CNTN6: variants seen among roughly 807,000 people sequenced by gnomAD.
The protein encoded by CNTN6 is contactin-6.
CNTN6 carries 137 observed loss-of-function variants against 122.8 expected under a neutral mutation model. That is an observed-to-expected ratio of 1.12 (90% CI 0.97 to 1.29). CNTN6 has a LOEUF of 1.29. Among genes scored for constraint, CNTN6 ranks in the 50% most tolerant of loss-of-function variants. The probability of loss-of-function intolerance (pLI) is 0.00; values close to 1 mark genes in which losing one functional copy is unlikely to be tolerated. For missense variants in CNTN6, 1,634 were observed against 1,223.4 expected (o/e 1.34, Z -5.01); for synonymous variants, 570 against 426.0 (o/e 1.34, Z -4.16).
chr3:1,221,499 T>C (rs1358012189), intron 3 of CNTN6, among the ~76,000 whole-genome samples: 1 of 152,180 alleles, frequency 6.6e-6, no homozygotes, highest in African/African-American at 2.4e-5. Context: ...GAAAAATATG[T>C]TGAAGACAGC....
chr3:1,375,733 A>G (rs910891546), intron 16 of CNTN6, among the ~76,000 whole-genome samples: 2 of 152,074 alleles, frequency 1.3e-5, no homozygotes, highest in African/African-American at 4.8e-5. Context: ...TTAGGTTCAC[A>G]TAACTTCTTT....
intron 7 of CNTN6, among the ~76,000 whole-genome samples, chr3:1,313,457 A>T (rs1020506882): frequency 6.6e-6 from 1 of 152,064 alleles, no homozygotes; most frequent in Non-Finnish European, 1.5e-5. Context: ...TTTAGAATGT[A>T]CTCTCATGGA....
intron 12 of CNTN6, among the ~76,000 whole-genome samples, chr3:1,368,468 T>G (rs1708538144): frequency 6.6e-6 from 1 of 152,234 alleles, no homozygotes; most frequent in South Asian, 2.1e-4. Context: ...GTTACTACAG[T>G]CTATAAAACA....
chr3:1,158,446 T>A (rs2093026782), intron 2 of CNTN6, among the ~76,000 whole-genome samples: 1 of 152,224 alleles, frequency 6.6e-6, no homozygotes, highest in Non-Finnish European at 1.5e-5. Flanking sequence ...CCTTGTCAGA[T>A]GGGTAGTTTA....
intron 20 of CNTN6, among the ~76,000 whole-genome samples, chr3:1,388,185 C>G (rs112930761): frequency 0.087 from 12,512 of 143,284 alleles, 773 homozygotes; most frequent in African/African-American, 0.12. Flanking sequence ...GAAGAGAGCA[C>G]TGGTTCTCCC....
At chr3:1,327,120 A>G (rs1376271655) in intron 9 of CNTN6, among the ~76,000 whole-genome samples, 2 of 151,918 alleles carry the variant, frequency 1.3e-5, no homozygotes, top group Non-Finnish European at 2.9e-5. Flanking sequence ...CATGTCTAAC[A>G]TTATTGTTAA....
intron 1 of CNTN6, among the ~76,000 whole-genome samples, chr3:1,140,552 G>T (rs921786610): frequency 1.3e-5 from 2 of 151,986 alleles, no homozygotes; most frequent in African/African-American, 4.8e-5. Flanking sequence ...TCTTTCAATT[G>T]TGAAATTCAC....
Position 1,387,918 on chromosome 3 carries a change from C to T in CNTN6, c.2704+2121C>T, listed in dbSNP as rs1038181450. On this transcript the variant is annotated intron_variant, in intron 20 of 22. Coordinates refer to ENST00000446702, the MANE Select transcript of CNTN6 (RefSeq NM_001289080.2). ...CCCGGCTCGGAGGGTCCTACGCCCA[C>T]GGAATCTCGCTGATTGCTAGCACAG... Among the ~76,000 whole-genome samples the T allele has an allele frequency of 1.7e-4, 26 of 152,238 alleles. No homozygotes were observed. The East Asian group carries it at 3.1e-3, about 18-fold the overall frequency.
chr3:1,260,744 T>C (rs1442849393), intron 4 of CNTN6, among the ~76,000 whole-genome samples: 1 of 151,994 alleles, frequency 6.6e-6, no homozygotes, highest in African/African-American at 2.4e-5. Flanking sequence ...CGAGATCTGA[T>C]AATTTAAAGG....
intron 11 of CNTN6, among the ~76,000 whole-genome samples, chr3:1,342,877 G>T (rs1322140647): frequency 6.6e-6 from 1 of 152,004 alleles, no homozygotes. Context: ...TGGACAACGG[G>T]GATTGAACTG....
At chr3:1,252,602 C>G (rs747246763) in intron 4 of CNTN6, among the ~76,000 whole-genome samples, 110 of 152,122 alleles carry the variant, frequency 7.2e-4, no homozygotes, top group Non-Finnish European at 1.2e-3. Flanking sequence ...GATATTTTAA[C>G]AAAAATAATA....
chr3:1,207,381 T>C (rs2093972419), intron 2 of CNTN6, among the ~76,000 whole-genome samples: 3 of 152,122 alleles, frequency 2.0e-5, no homozygotes, highest in East Asian at 1.9e-4. Context: ...AATACTTTGG[T>C]CCCAGCCACC....
chr3:1,399,682 T>A (rs796519153), intron 20 of CNTN6, among the ~76,000 whole-genome samples: 6 of 152,132 alleles, frequency 3.9e-5, no homozygotes, highest in African/African-American at 1.2e-4. Flanking sequence ...CCTGAGAAGA[T>A]CACCACAGGG....
At position 1,403,440 on chromosome 3, in the gene CNTN6, G is replaced by T; in HGVS notation, c.*22G>T. ...CTGATGAATAAAACCATAAATCTTT[G>T]AGAGTTTTTTGAAAGCAAATCATTC... On this transcript the variant is annotated 3_prime_UTR_variant, in exon 23 of 23. Transcript: ENST00000446702. 4 of 1,528,810 alleles carry T rather than the reference G, an allele frequency of 2.6e-6. No individual in the cohort carries two copies. Among genetic ancestry groups the T allele is most frequent in the Non-Finnish European group, 3.6e-6 (4 of 1,105,154 alleles). The allele number at this position is 1,528,810 out of a possible 1,614,324, so 94.7% of individuals were successfully genotyped here.
At chr3:1,134,005 T>TC (rs1211302202) in intron 1 of CNTN6, among the ~76,000 whole-genome samples, 1 of 151,630 alleles carries the variant, frequency 6.6e-6, no homozygotes, top group Non-Finnish European at 1.5e-5. Flanking sequence ...CAGTTAATCT[T>TC]TTTTTTCAGA....
At chr3:1,401,831 G>C (rs772692478) in intron 21 of CNTN6, among the ~76,000 whole-genome samples, 4 of 151,970 alleles carry the variant, frequency 2.6e-5, no homozygotes, top group African/African-American at 9.7e-5. Flanking sequence ...TATGTGCATA[G>C]TAGATGTGAT....
intron 20 of CNTN6, among the ~76,000 whole-genome samples, chr3:1,386,510 TCTGA>T (rs1312582505): frequency 6.6e-6 from 1 of 152,174 alleles, no homozygotes; most frequent in Non-Finnish European, 1.5e-5. Flanking sequence ...GCCTTTATTT[TCTGA>T]CTGAGTCTGG....
At chr3:1,132,349 T>C (rs969527044) in intron 1 of CNTN6, among the ~76,000 whole-genome samples, 5 of 152,148 alleles carry the variant, frequency 3.3e-5, no homozygotes, top group African/African-American at 9.7e-5. Context: ...GATTACAAAA[T>C]ATTTTTTCTT....
At chr3:1,209,495 G>A (rs1233473591) in intron 2 of CNTN6, among the ~76,000 whole-genome samples, 1 of 152,170 alleles carries the variant, frequency 6.6e-6, no homozygotes, top group Non-Finnish European at 1.5e-5. Flanking sequence ...CTTGTGAAGT[G>A]AGTGCTGATT....
Sources: allele counts gnomAD v4.1 joint callset (sites outside exome capture counted in the v4.1 genomes callset), GRCh38; gene constraint gnomAD v4.1.1; transcripts MANE v1.5; gene names NCBI Gene and HGNC (gene_info 2026-07-23, HGNC 2026-07-21).